RASSF3: variants seen among roughly 807,000 people sequenced by gnomAD.
RASSF3 encodes the protein ras association domain-containing protein 3.
In RASSF3, 19 loss-of-function variants were observed where a neutral mutation model predicts 19.9. The observed-to-expected ratio is 0.96, with a 90% confidence interval of 0.67 to 1.40. RASSF3 has a LOEUF of 1.40. Among genes scored for constraint, RASSF3 ranks in the 40% most tolerant of loss-of-function variants. The pLI, the probability that RASSF3 is intolerant of heterozygous loss-of-function variation, is 0.00. For synonymous variants in RASSF3, 110 were observed against 104.2 expected, an observed-to-expected ratio of 1.06 and a Z score of -0.34; for missense variants, 306 against 289.8, an observed-to-expected ratio of 1.06 and a Z score of -0.41.
intron 1 of RASSF3, among the ~76,000 whole-genome samples, chr12:64,517,903 C>A (rs1187161788): frequency 6.6e-6 from 1 of 152,088 alleles, no homozygotes; most frequent in Non-Finnish European, 1.5e-5. Context: ...CAGGCATGAG[C>A]CACCGCATCC....
downstream of RASSF3, among the ~76,000 whole-genome samples, chr12:64,546,562 A>G (rs1197188288): frequency 6.6e-6 from 1 of 152,202 alleles, no homozygotes; most frequent in African/African-American, 2.4e-5. Context: ...GAGCCACTGC[A>G]CCTGGCCAAT....
At chr12:64,547,531 C>T (rs1363170231) in intron 2 of RASSF3, among the ~76,000 whole-genome samples, 1 of 151,884 alleles carries the variant, frequency 6.6e-6, no homozygotes, top group South Asian at 2.1e-4. Flanking sequence ...CATGTCACTG[C>T]ATTCCAGCCT....
intron 2 of RASSF3, among the ~76,000 whole-genome samples, chr12:64,549,716 TA>T (rs1259887048): frequency 6.6e-6 from 1 of 152,134 alleles, no homozygotes; most frequent in Non-Finnish European, 1.5e-5. Context: ...CTGAGCCCCA[TA>T]AGCGGAGGTA....
chr12:64,606,220 G>C (rs1000419671), upstream of RASSF3, among the ~76,000 whole-genome samples: 5 of 152,168 alleles, frequency 3.3e-5, no homozygotes, highest in African/African-American at 1.2e-4. Context: ...AGCAATCCCT[G>C]GCAAGGGGAA....
intron 2 of RASSF3, among the ~76,000 whole-genome samples, chr12:64,583,439 T>C (rs1869736934): frequency 6.6e-6 from 1 of 152,088 alleles, no homozygotes; most frequent in Non-Finnish European, 1.5e-5. Context: ...CTGGCCAACA[T>C]GGTAAAACTT....
intron 1 of RASSF3, among the ~76,000 whole-genome samples, chr12:64,633,862 G>C (rs372672401): frequency 9.2e-5 from 14 of 152,156 alleles, no homozygotes; most frequent in Admixed American, 9.2e-4. Flanking sequence ...TGGACCAAGT[G>C]GGGTGGCTCA....
At chr12:64,544,629 A>G (rs1869020919), downstream of RASSF3, among the ~76,000 whole-genome samples, 1 of 150,128 alleles carries the variant, frequency 6.7e-6, no homozygotes, top group Non-Finnish European at 1.5e-5. Flanking sequence ...AAAAAAAAAA[A>G]GGCTATTTTT....
chr12:64,650,460 G>A (rs1204840917), intron 1 of RASSF3, among the ~76,000 whole-genome samples: 1 of 137,860 alleles, frequency 7.3e-6, no homozygotes, highest in Non-Finnish European at 1.5e-5. Context: ...TGTTACCTGG[G>A]CTGGAGTGCA....
chr12:64,579,793 C>G (rs1284174922), intron 2 of RASSF3, among the ~76,000 whole-genome samples: 1 of 146,386 alleles, frequency 6.8e-6, no homozygotes, highest in East Asian at 2.0e-4. Flanking sequence ...GGGTACAAAA[C>G]TAGGTGTTTT....
At chr12:64,636,120 G>GT (rs111762481) in intron 1 of RASSF3, among the ~76,000 whole-genome samples, 339 of 147,094 alleles carry the variant, frequency 2.3e-3, no homozygotes, top group Non-Finnish European at 2.1e-3. Flanking sequence ...ATAACTTACG[G>GT]TTTTTTTTTT....
At chr12:64,591,449 C>T (rs2136140733) in intron 2 of RASSF3, among the ~76,000 whole-genome samples, 1 of 150,026 alleles carries the variant, frequency 6.7e-6, no homozygotes. Context: ...GCACTCCAGG[C>T]CCGGGCCACA....
At chr12:64,689,282 G>T (rs954730883) in intron 3 of RASSF3, among the ~76,000 whole-genome samples, 1 of 150,332 alleles carries the variant, frequency 6.7e-6, no homozygotes, top group African/African-American at 2.4e-5. Flanking sequence ...GGTTTTTCTC[G>T]GTAAAGCCTA....
At position 64,613,729 on chromosome 12, in the gene RASSF3, T is replaced by C. The variant is rs144603715; in HGVS notation, c.111+2986T>C. 2.1e-4 allele frequency among the ~76,000 whole-genome samples: 32 copies of C among 152,196 alleles called. No individual in the cohort carries two copies. The East Asian group carries it at 6.2e-3, about 29-fold the overall frequency. ...GGGAGGCTGAGATGGGAGGATTGCT[T>C]GAGCCCAGGAGTTTGAGACCAGCCT... On this transcript the variant is annotated intron_variant, in intron 1 of 4. Transcript: ENST00000542104.
chr12:64,622,747 G>T, intron 1 of RASSF3: 1 of 254,762 alleles, frequency 3.9e-6, no homozygotes, highest in African/African-American at 2.4e-5. Context: ...CTGACTTTAT[G>T]ATTGATAGAT....
intron 2 of RASSF3, among the ~76,000 whole-genome samples, chr12:64,554,534 A>C (rs1323524312): frequency 6.6e-6 from 1 of 152,088 alleles, no homozygotes; most frequent in Non-Finnish European, 1.5e-5. Context: ...CGAACTCCTG[A>C]ACTCAGGTGA....
chr12:64,636,145 C>T (rs1439324291), intron 1 of RASSF3, among the ~76,000 whole-genome samples: 2 of 150,324 alleles, frequency 1.3e-5, no homozygotes, highest in Admixed American at 1.3e-4. Context: ...GATATGGAGT[C>T]TCACTCTGTT....
chr12:64,581,964 C>T (rs1869709578), intron 2 of RASSF3, among the ~76,000 whole-genome samples: 1 of 151,918 alleles, frequency 6.6e-6, no homozygotes, highest in Non-Finnish European at 1.5e-5. Flanking sequence ...ACCTTCCAGG[C>T]TCAAACAGAT....
chr12:64,660,359 A>G (rs1872312939), intron 1 of RASSF3, among the ~76,000 whole-genome samples: 1 of 152,138 alleles, frequency 6.6e-6, no homozygotes, highest in Non-Finnish European at 1.5e-5. Flanking sequence ...AACCATTTAC[A>G]TTCAGGAGCC....
At chr12:64,539,410 A>C (rs1317799116) in intron 1 of RASSF3, among the ~76,000 whole-genome samples, 1 of 152,164 alleles carries the variant, frequency 6.6e-6, no homozygotes, top group East Asian at 1.9e-4. Flanking sequence ...CCAACACATG[A>C]AATTTGGGGG....
Sources: allele counts gnomAD v4.1 joint callset (sites outside exome capture counted in the v4.1 genomes callset), GRCh38; gene constraint gnomAD v4.1.1; transcripts MANE v1.5; gene names NCBI Gene and HGNC (gene_info 2026-07-23, HGNC 2026-07-21).